BCAS3: variants seen among roughly 807,000 people sequenced by gnomAD.
BCAS3 encodes BCAS3 microtubule associated cell migration factor.
BCAS3 carries 53 observed loss-of-function variants against 116.1 expected under a neutral mutation model. That is an observed-to-expected ratio of 0.46 (90% CI 0.37 to 0.57). The LOEUF is 0.57. Ranked by LOEUF, BCAS3 falls within the 20% of genes least tolerant of loss-of-function variation. The pLI, the probability that BCAS3 is intolerant of heterozygous loss-of-function variation, is 0.00. For synonymous variants in BCAS3, 391 were observed against 408.2 expected (o/e 0.96, Z 0.51); for missense variants, 917 against 1,165.4 (o/e 0.79, Z 3.10).
intron 22 of BCAS3, among the ~76,000 whole-genome samples, chr17:61,297,822 A>G (rs1424404231): frequency 6.6e-6 from 1 of 152,190 alleles, no homozygotes; most frequent in Non-Finnish European, 1.5e-5. Flanking sequence ...TATTCCGTCC[A>G]CTGTTGGTAG....
At chr17:61,000,379 C>T (rs1454816594) in intron 15 of BCAS3, among the ~76,000 whole-genome samples, 2 of 152,092 alleles carry the variant, frequency 1.3e-5, no homozygotes, top group African/African-American at 4.8e-5. Flanking sequence ...ATCAGACTTC[C>T]TGGTGGTAGA....
chr17:60,989,800 C>T (rs754297020), intron 14 of BCAS3, among the ~76,000 whole-genome samples, 171 bp from the exon 15 acceptor site: 1 of 152,220 alleles, frequency 6.6e-6, no homozygotes, highest in Middle Eastern at 3.4e-3. Context: ...GAGTTTTGAT[C>T]AACAGTCATT....
At chr17:61,242,986 A>C (rs1219577174) in intron 22 of BCAS3, among the ~76,000 whole-genome samples, 2 of 151,372 alleles carry the variant, frequency 1.3e-5, no homozygotes. Context: ...ATCTCGGCTC[A>C]CTGCAACCTC....
At chr17:60,856,684 G>A (rs1477187364) in intron 7 of BCAS3, among the ~76,000 whole-genome samples, 4 of 151,616 alleles carry the variant, frequency 2.6e-5, no homozygotes, top group African/African-American at 9.7e-5. Context: ...CAGCCAGACT[G>A]TCTCCAAAAA....
In BCAS3 at chr17:61,073,153, T is replaced by C. The variant is rs908855463; in HGVS notation, c.2030-1767T>C. 3.3e-5 allele frequency among the ~76,000 whole-genome samples: 5 copies of C among 152,242 alleles called. No individual in the cohort carries two copies. Among genetic ancestry groups the C allele is most frequent in the African/African-American group, 9.6e-5 (4 of 41,456 alleles). On this transcript the variant is annotated intron_variant, in intron 19 of 23. Coordinates refer to ENST00000407086, the MANE Select transcript of BCAS3 (RefSeq NM_017679.5). This position sits in a 1 kb window ranked among gnomAD's most constrained non-coding sequence, Gnocchi z 4.6. ...GCTGAAATAATAGTTATTGTGATAT[T>C]CTTTTCTTCTTGATATAATTTGTCA...
chr17:61,159,832 A>G (rs1436874615), intron 22 of BCAS3, among the ~76,000 whole-genome samples: 1 of 152,192 alleles, frequency 6.6e-6, no homozygotes, highest in African/African-American at 2.4e-5. Flanking sequence ...TTCAAAATCT[A>G]CCATAAGAAC....
At chr17:61,101,294 T>G (rs1386041945) in intron 22 of BCAS3, among the ~76,000 whole-genome samples, 1 of 152,126 alleles carries the variant, frequency 6.6e-6, no homozygotes, top group Non-Finnish European at 1.5e-5. Flanking sequence ...AAAGCCACTC[T>G]CAATCAGGTA....
intron 22 of BCAS3, among the ~76,000 whole-genome samples, chr17:61,178,191 A>G (rs1414340979): frequency 6.6e-6 from 1 of 152,102 alleles, no homozygotes; most frequent in Non-Finnish European, 1.5e-5. Context: ...CTTGGACATT[A>G]TATTTTGAAA....
intron 13 of BCAS3, among the ~76,000 whole-genome samples, chr17:60,928,085 T>C (rs2059455654): frequency 6.6e-6 from 1 of 152,226 alleles, no homozygotes; most frequent in African/African-American, 2.4e-5. Context: ...CTTTCACTAG[T>C]GACTCTATTC....
rs2059480342 is a variant in BCAS3 at position 61,379,180 on chromosome 17, C to T, written c.2593+10686C>T. 1 of 152,262 alleles carries T rather than the reference C, an allele frequency of 6.6e-6. No individual in the cohort carries two copies. The highest frequency in any genetic ancestry group is 1.5e-5 in the Non-Finnish European group (1 of 68,074). The allele number at this position is 152,262 out of a possible 1,614,324, so 9.4% of individuals were successfully genotyped here. On this transcript the variant is annotated intron_variant, in intron 23 of 23. Transcript: ENST00000407086. This position sits in a 1 kb window ranked among gnomAD's most constrained non-coding sequence, Gnocchi z 5.5. ...AAAGGGAGGATTTCTCCCTGTTCCTCCTCCTCTGCCACAGTATTGACTGTT... is the reference window on the plus strand; with the variant it reads ...AAAGGGAGGATTTCTCCCTGTTCCTTCTCCTCTGCCACAGTATTGACTGTT...
chr17:60,753,661 G>A (rs994151658), intron 6 of BCAS3, among the ~76,000 whole-genome samples: 2 of 151,836 alleles, frequency 1.3e-5, no homozygotes, highest in Non-Finnish European at 2.9e-5. Flanking sequence ...TGCCTGCCTC[G>A]GCCTCCCAAA....
At chr17:61,335,041 C>T (rs566464589) in intron 22 of BCAS3, among the ~76,000 whole-genome samples, 1 of 152,336 alleles carries the variant, frequency 6.6e-6, no homozygotes, top group African/African-American at 2.4e-5. Context: ...ATCCCAGGGG[C>T]ACCCAGAACA....
At position 61,261,623 on chromosome 17, in the gene BCAS3, G is replaced by A. The variant is rs1320946457; in HGVS notation, c.2426-106704G>A. 2.6e-5 allele frequency among the ~76,000 whole-genome samples: 4 copies of A among 152,140 alleles called. No individual in the cohort carries two copies. Among genetic ancestry groups the A allele is most frequent in the Admixed American group, 2.0e-4 (3 of 15,280 alleles). Reference sequence around the variant, plus strand: ...TGGTAAATCATGTGGTGTTTGATGTGACCATCTCCACGATTTCTAGTGTAC... The same window carrying A: ...TGGTAAATCATGTGGTGTTTGATGTAACCATCTCCACGATTTCTAGTGTAC... On this transcript the variant is annotated intron_variant, in intron 22 of 23. Transcript: ENST00000407086. This position sits in a 1 kb window ranked among gnomAD's most constrained non-coding sequence, Gnocchi z 4.4.
intron 22 of BCAS3, among the ~76,000 whole-genome samples, chr17:61,287,786 A>G (rs1348510659): frequency 1.3e-5 from 2 of 152,214 alleles, no homozygotes; most frequent in Non-Finnish European, 2.9e-5. Context: ...CTTATTATTG[A>G]CTTTCTGAAG....
At chr17:60,796,710 T>G (rs2047243276) in intron 6 of BCAS3, among the ~76,000 whole-genome samples, 2 of 152,122 alleles carry the variant, frequency 1.3e-5, no homozygotes, top group Admixed American at 6.6e-5. Context: ...CCAATTTCAT[T>G]TATTTCTGCT....
intron 7 of BCAS3, among the ~76,000 whole-genome samples, chr17:60,865,912 C>T (rs2051773434): frequency 6.6e-6 from 1 of 151,904 alleles, no homozygotes; most frequent in South Asian, 2.1e-4. Flanking sequence ...AGAAGAAATT[C>T]TAATTATGGT....
chr17:61,382,275 T>C (rs1055750872), intron 23 of BCAS3, among the ~76,000 whole-genome samples: 4 of 151,586 alleles, frequency 2.6e-5, no homozygotes, highest in African/African-American at 9.7e-5. Flanking sequence ...TTTTTCTTTT[T>C]TTGAGACAGA....
At position 61,180,046 on chromosome 17, in the gene BCAS3, CT is replaced by C. The variant is rs1173167709; in HGVS notation, c.2425+95487del. On this transcript the variant is annotated intron_variant, in intron 22 of 23. Coordinates refer to ENST00000407086, the MANE Select transcript of BCAS3 (RefSeq NM_017679.5). This position sits in a 1 kb window ranked among gnomAD's most constrained non-coding sequence, Gnocchi z 6.0. ...ATCTGCAAGCTGTAGCGACCTGGGA[CT>C]TTTTGTTAGAGACACATACACAGAG... Among the ~76,000 whole-genome samples the C allele has an allele frequency of 6.6e-6, 1 of 151,968 alleles. No individual in the cohort carries two copies.
intron 22 of BCAS3, among the ~76,000 whole-genome samples, chr17:61,296,495 T>C (rs1224397134): frequency 6.6e-6 from 1 of 152,180 alleles, no homozygotes; most frequent in Non-Finnish European, 1.5e-5. Flanking sequence ...TTGACGAAGG[T>C]ACATGAAATA....
Sources: gnomAD v4.1 joint callset for allele counts (sites outside exome capture counted in the v4.1 genomes callset) on GRCh38, gnomAD v4.1.1 for gene constraint, Gnocchi (gnomAD v3.1) non-coding constraint, MANE v1.5 for transcripts, NCBI Gene and HGNC (gene_info 2026-07-23, HGNC 2026-07-21) for gene names.